The following CDH1 variants were observed in gnomAD, a reference collection of about 807,000 sequenced individuals.
CDH1 encodes cadherin-1.
In CDH1, 35 loss-of-function variants were observed where a neutral mutation model predicts 84.5. The observed-to-expected ratio is 0.41, with a 90% CI of 0.32 to 0.55. CDH1 has a LOEUF of 0.55. Among genes scored for constraint, CDH1 ranks in the 20% least tolerant of loss-of-function variants. The probability of loss-of-function intolerance (pLI) is 0.19; values close to 1 mark genes in which losing one functional copy is unlikely to be tolerated. For synonymous variants in CDH1, 417 were observed against 439.0 expected, an observed-to-expected ratio of 0.95 and a Z score of 0.63; for missense variants, 994 against 1,126.6, an observed-to-expected ratio of 0.88 and a Z score of 1.68.
At chr16:68,783,243 A>G (rs560394140) in intron 2 of CDH1, among the ~76,000 whole-genome samples, 2 of 151,944 alleles carry the variant, frequency 1.3e-5, no homozygotes, top group Non-Finnish European at 2.9e-5. Flanking sequence ...CTAAAAATAC[A>G]AAAATTAGCC....
chr16:68,757,537 T>C (rs1009067897), intron 2 of CDH1, among the ~76,000 whole-genome samples: 1 of 152,186 alleles, frequency 6.6e-6, no homozygotes, highest in Non-Finnish European at 1.5e-5. Context: ...GGAAACCACA[T>C]TTTACTTGCC....
intron 6 of CDH1, among the ~76,000 whole-genome samples, chr16:68,810,931 C>A (rs1371049585): frequency 1.3e-5 from 2 of 151,838 alleles, no homozygotes; most frequent in African/African-American, 4.8e-5. Context: ...CTTTCAAACT[C>A]CCGGGCCCAA....
rs544944247 is a variant in CDH1 at position 68,767,224 on chromosome 16, T to C, written c.163+28813T>C. ...TTTTTTCTTTTCCCCTGAGACAGTCTCGCTCTGTTGGCCAGGCTAGAGTGC... is the reference window on the plus strand; with the variant it reads ...TTTTTTCTTTTCCCCTGAGACAGTCCCGCTCTGTTGGCCAGGCTAGAGTGC... On this transcript the variant is annotated intron_variant, in intron 2 of 15. Coordinates refer to ENST00000261769, the MANE Select transcript of CDH1 (RefSeq NM_004360.5). Among the ~76,000 whole-genome samples, 11 of 151,882 alleles carry C rather than the reference T, an allele frequency of 7.2e-5. No homozygotes were observed. In the East Asian group the frequency reaches 1.4e-3, roughly 19 times the overall value.
At position 68,801,650 on chromosome 16, in the gene CDH1, C is replaced by T. The variant is rs751307555; in HGVS notation, c.164-20C>T. 4 of 1,595,034 alleles carry T rather than the reference C, an allele frequency of 2.5e-6. No individual in the cohort carries two copies. The East Asian group carries it at 8.9e-5, about 36-fold the overall frequency. ...TTTAATCTGTCCAATTTCCTAATCTCTGTGATTTCTGCCCTGCAGTGAATT... is the reference window on the plus strand; with the variant it reads ...TTTAATCTGTCCAATTTCCTAATCTTTGTGATTTCTGCCCTGCAGTGAATT... On this transcript the variant is annotated intron_variant, in intron 2 of 15. Transcript: ENST00000261769.
At chr16:68,789,469 G>C (rs1427820121) in intron 2 of CDH1, among the ~76,000 whole-genome samples, 1 of 152,028 alleles carries the variant, frequency 6.6e-6, no homozygotes, top group East Asian at 1.9e-4. Flanking sequence ...TGTTAGCAGT[G>C]GTCTCTCTGC....
rs552289137 is a variant in CDH1, at chr16:68,751,571, C to T, written c.163+13160C>T. Among the ~76,000 whole-genome samples the T allele has an allele frequency of 1.1e-4, 17 of 152,244 alleles. No homozygotes were observed. The East Asian group carries it at 1.5e-3, about 14-fold the overall frequency. On this transcript the variant is annotated intron_variant, in intron 2 of 15. Transcript: ENST00000261769. ...AGTCTGCAGTGCAGTGGCGCAATCT[C>T]GGCTCACTGCAACCTCTGCCTCCTG...
intron 2 of CDH1, among the ~76,000 whole-genome samples, chr16:68,760,385 A>C (rs930540431): frequency 4.7e-5 from 7 of 149,730 alleles, no homozygotes. Context: ...AAGCACTGGG[A>C]TTACAGGCAT....
intron 2 of CDH1, among the ~76,000 whole-genome samples, chr16:68,791,384 A>G (rs1352182249): frequency 6.6e-6 from 1 of 152,048 alleles, no homozygotes; most frequent in Non-Finnish European, 1.5e-5. Context: ...TTACCTGCTT[A>G]TATTTCTCTA....
At chr16:68,746,448 A>C (rs992676732) in intron 2 of CDH1, among the ~76,000 whole-genome samples, 1 of 151,820 alleles carries the variant, frequency 6.6e-6, no homozygotes, top group African/African-American at 2.4e-5. Flanking sequence ...TAAATAAGCA[A>C]GCTCCTCAGA....
intron 2 of CDH1, among the ~76,000 whole-genome samples, chr16:68,793,096 C>T (rs2152123988): frequency 6.6e-6 from 1 of 152,306 alleles, no homozygotes; most frequent in South Asian, 2.1e-4. Context: ...ACCCTGAGAG[C>T]ACATTGCATG....
Position 68,738,433 on chromosome 16 carries a change from C to G in CDH1, c.163+22C>G, listed in dbSNP as rs1017171217. 4 of 1,505,022 alleles carry G rather than the reference C, an allele frequency of 2.7e-6. No homozygotes were observed. The Admixed American group carries it at 6.0e-5, about 22-fold the overall frequency. 93.2% of individuals were successfully genotyped at this position (1,505,022 alleles called of 1,614,324 possible). On this transcript the variant is annotated intron_variant, in intron 2 of 15. Coordinates refer to ENST00000261769, the MANE Select transcript of CDH1 (RefSeq NM_004360.5). ...AGAGGTGAGGGCGCGCTGCCGGTGT[C>G]CCTGGGCGGAGTAGGGAGGGGTTGG... is the stretch of plus-strand genomic sequence containing the variant.
At position 68,829,817 on chromosome 16, in the gene CDH1, A is replaced by C; in HGVS notation, c.2439+20A>C. The C allele has an allele frequency of 6.2e-7, 1 of 1,612,716 alleles. No homozygotes were observed. Among genetic ancestry groups the C allele is most frequent in the Non-Finnish European group, 8.5e-7 (1 of 1,179,382 alleles). On this transcript the variant is annotated intron_variant, in intron 15 of 15. Transcript: ENST00000261769. Reference sequence around the variant, plus strand: ...GATGAAGTAAGTAATCCACGTGGAAAGCCAAAGCATGGCTCATCTCTAAGC... The same window carrying C: ...GATGAAGTAAGTAATCCACGTGGAACGCCAAAGCATGGCTCATCTCTAAGC...
chr16:68,807,496 C>A (rs1012636200), intron 3 of CDH1, among the ~76,000 whole-genome samples: 2 of 151,846 alleles, frequency 1.3e-5, no homozygotes, highest in Non-Finnish European at 2.9e-5. Flanking sequence ...ATGGCAAGAC[C>A]CTGCCTCTAA....
At chr16:68,808,262 T>C (rs1472934186) in intron 3 of CDH1, among the ~76,000 whole-genome samples, 162 bp from the exon 4 acceptor site, 1 of 152,162 alleles carries the variant, frequency 6.6e-6, no homozygotes, top group African/African-American at 2.4e-5. Flanking sequence ...GTCATTTTGG[T>C]GGATATATAT....
At chr16:68,775,781 G>A (rs1959716137) in intron 2 of CDH1, among the ~76,000 whole-genome samples, 1 of 152,196 alleles carries the variant, frequency 6.6e-6, no homozygotes, top group Non-Finnish European at 1.5e-5. Context: ...TGATTTGATA[G>A]ACCCTGAAAT....
intron 11 of CDH1, among the ~76,000 whole-genome samples, chr16:68,820,603 G>A (rs1023183573): frequency 1.3e-5 from 2 of 152,094 alleles, no homozygotes; most frequent in Admixed American, 1.3e-4. Flanking sequence ...GCCCACCTTG[G>A]CCTCCCAGAG....
chr16:68,825,909 G>A (rs1206023684), intron 13 of CDH1, among the ~76,000 whole-genome samples: 1 of 149,136 alleles, frequency 6.7e-6, no homozygotes, highest in East Asian at 2.0e-4. Context: ...CTTGACTTCC[G>A]GGGCTCAGGC....
chr16:68,762,842 C>T (rs964801056), intron 2 of CDH1, among the ~76,000 whole-genome samples: 1 of 136,160 alleles, frequency 7.3e-6, no homozygotes, highest in African/African-American at 2.8e-5. Context: ...CCCTGGGAGG[C>T]AGAGGTTGGA....
intron 13 of CDH1, among the ~76,000 whole-genome samples, chr16:68,824,671 T>C (rs928030444): frequency 2.0e-5 from 3 of 152,116 alleles, no homozygotes; most frequent in African/African-American, 7.2e-5. Context: ...CTGAGGAAAA[T>C]TGGCAGTTTC....
Sources: allele counts gnomAD v4.1 joint callset (sites outside exome capture counted in the v4.1 genomes callset), GRCh38; gene constraint gnomAD v4.1.1; transcripts MANE v1.5; gene names NCBI Gene and HGNC (gene_info 2026-07-23, HGNC 2026-07-21).